PTPN3: variants seen among roughly 807,000 people sequenced by gnomAD.
PTPN3 encodes the protein tyrosine-protein phosphatase non-receptor type 3.
PTPN3 carries 96 observed loss-of-function variants against 132.7 expected under a neutral mutation model. The ratio of observed to expected loss-of-function variants is 0.72; its 90% CI spans 0.61 to 0.86. The LOEUF is 0.86. PTPN3 is among the 40% of genes least tolerant of loss of function. The pLI, the probability that PTPN3 is intolerant of heterozygous loss-of-function variation, is 0.00. For missense variants in PTPN3, 1,125 were observed against 1,159.6 expected (o/e 0.97, Z 0.43); for synonymous variants, 398 against 429.0 (o/e 0.93, Z 0.89).
At chr9:109,439,628 G>A (rs1238119762) in intron 7 of PTPN3, among the ~76,000 whole-genome samples, 3 of 152,258 alleles carry the variant, frequency 2.0e-5, no homozygotes, top group Non-Finnish European at 2.9e-5. Flanking sequence ...GGGCAATGCA[G>A]CCGGGCATGG....
At chr9:109,395,056 C>G (rs1326075632) in intron 19 of PTPN3, among the ~76,000 whole-genome samples, 1 of 151,298 alleles carries the variant, frequency 6.6e-6, no homozygotes, top group African/African-American at 2.4e-5. Flanking sequence ...AGGAGAATGG[C>G]GTGAACCAGG....
upstream of PTPN3, among the ~76,000 whole-genome samples, chr9:109,502,582 G>A (rs1377825475): frequency 6.6e-6 from 1 of 152,176 alleles, no homozygotes; most frequent in African/African-American, 2.4e-5. Flanking sequence ...GATTGCTTGA[G>A]GACAGGAGTT....
At chr9:109,518,766 T>C in the PTPN3 span, among the ~76,000 whole-genome samples, 2 of 152,170 alleles carry the variant, frequency 1.3e-5, no homozygotes, top group Non-Finnish European at 2.9e-5. Flanking sequence ...ACCATCTCCA[T>C]TGACTTTAAA....
intron 10 of PTPN3, 125 bp downstream of exon 10, chr9:109,432,948 A>C: frequency 7.0e-7 from 1 of 1,436,174 alleles, no homozygotes; most frequent in Non-Finnish European, 9.2e-7. Flanking sequence ...GGTCAGAGTA[A>C]AACTCGGGAG....
At chr9:109,482,696 G>T (rs1342907889) in intron 1 of PTPN3, among the ~76,000 whole-genome samples, 4 of 152,018 alleles carry the variant, frequency 2.6e-5, no homozygotes, top group African/African-American at 9.7e-5. Flanking sequence ...ACTATCCACT[G>T]TCTGCCCTGC....
chr9:109,383,522 G>T lies in PTPN3; in HGVS notation c.2283C>A (p.Pro761=). Residue 761 remains proline, a synonymous_variant, in exon 23 of 26, where the codon CCC becomes CCA. Transcript: ENST00000374541. ...RTKCHQYWPD[P]PDVMNHGGFH... is the part of the protein sequence containing the mutation. ...AGCCGCCGTGGTTCATGACGTCGGG[G>T]GGATCTGGCCAGTACTGGTGACATT... is the stretch of plus-strand genomic sequence containing the variant. The T allele has an allele frequency of 1.2e-6, 2 of 1,614,070 alleles. No individual in the cohort carries two copies. Among genetic ancestry groups the T allele is most frequent in the East Asian group, 2.2e-5 (1 of 44,870 alleles).
chr9:109,472,171 T>C (rs1305759706), intron 1 of PTPN3, among the ~76,000 whole-genome samples: 4 of 152,226 alleles, frequency 2.6e-5, no homozygotes, highest in Non-Finnish European at 5.9e-5. Flanking sequence ...AAAACTGCCA[T>C]CATTCAAAAA....
chr9:109,472,564 T>C (rs747486390), intron 1 of PTPN3, among the ~76,000 whole-genome samples: 3 of 152,244 alleles, frequency 2.0e-5, no homozygotes, highest in Non-Finnish European at 4.4e-5. Context: ...CACTTTCCTA[T>C]ACATTTCCCT....
chr9:109,407,599 C>T (rs1407030108), intron 17 of PTPN3, among the ~76,000 whole-genome samples: 5 of 152,166 alleles, frequency 3.3e-5, no homozygotes, highest in African/African-American at 1.2e-4. Flanking sequence ...GGCTGGAGTA[C>T]AGCGGCGTGA....
At chr9:109,534,218 C>T in the PTPN3 span, 1 of 1,358,792 alleles carries the variant, frequency 7.4e-7, no homozygotes, top group South Asian at 1.2e-5. Flanking sequence ...CCTCCCGGGC[C>T]ACCGTTTCCT....
the PTPN3 span, among the ~76,000 whole-genome samples, chr9:109,527,744 C>T: frequency 1.5e-3 from 230 of 152,290 alleles, 1 homozygote; most frequent in African/African-American, 5.3e-3. Context: ...ACATGTACAA[C>T]TATTGCATAT....
rs376241263 is a variant in PTPN3 at position 109,454,581 on chromosome 9, C to G, written c.290-7G>C. 12 of 1,608,814 alleles carry G rather than the reference C, an allele frequency of 7.5e-6. No homozygotes were observed. Among genetic ancestry groups the G allele is most frequent in the Non-Finnish European group, 1.0e-5 (12 of 1,176,092 alleles). ...AGGGTACAGGGGAAACCTCCTACAACATTTTTCAAAAACAAATTAAATTTT... is the reference window on the plus strand; with the variant it reads ...AGGGTACAGGGGAAACCTCCTACAAGATTTTTCAAAAACAAATTAAATTTT... On this transcript the variant is annotated splice_region_variant and splice_polypyrimidine_tract_variant and intron_variant, in intron 4 of 25. Coordinates refer to ENST00000374541, the MANE Select transcript of PTPN3 (RefSeq NM_002829.4).
chr9:109,394,249 G>A (rs1258397787), intron 19 of PTPN3, among the ~76,000 whole-genome samples: 1 of 152,174 alleles, frequency 6.6e-6, no homozygotes, highest in Non-Finnish European at 1.5e-5. Flanking sequence ...GTGGGAAAAA[G>A]AGATTTTTTT....
chr9:109,433,063 T>G lies in PTPN3; in HGVS notation c.764+10A>C, dbSNP rs1474449336. The G allele has an allele frequency of 6.2e-7, 1 of 1,613,920 alleles. No homozygotes were observed. The highest frequency in any genetic ancestry group is 1.7e-5 in the Admixed American group (1 of 59,966). On this transcript the variant is annotated intron_variant, in intron 10 of 25. Coordinates refer to ENST00000374541, the MANE Select transcript of PTPN3 (RefSeq NM_002829.4). ...TGATTCAGAAAATAATGAGAACTGT[T>G]TGCACTTACCAAGGATAGAAACTTG...
At chr9:109,532,856 C>T in the PTPN3 span, 3 of 1,043,312 alleles carry the variant, frequency 2.9e-6, no homozygotes, top group East Asian at 4.3e-5. Context: ...TGCTTAGCCT[C>T]GGGAGCGGAC....
the PTPN3 span, among the ~76,000 whole-genome samples, chr9:109,504,137 G>A: frequency 6.6e-6 from 1 of 152,144 alleles, no homozygotes; most frequent in Admixed American, 6.5e-5. Flanking sequence ...TTATTCTTGC[G>A]GGTATCTGGG....
At chr9:109,493,871 A>G (rs1247262996) in intron 1 of PTPN3, among the ~76,000 whole-genome samples, 1 of 152,164 alleles carries the variant, frequency 6.6e-6, no homozygotes, top group Non-Finnish European at 1.5e-5. Flanking sequence ...GCCCCCACCT[A>G]CTTGTACCTG....
chr9:109,494,893 G>C (rs1465111118), intron 1 of PTPN3, among the ~76,000 whole-genome samples: 2 of 151,988 alleles, frequency 1.3e-5, no homozygotes, highest in Non-Finnish European at 2.9e-5. Context: ...CCTGGTCTTG[G>C]AATAACAAGT....
upstream of PTPN3, among the ~76,000 whole-genome samples, chr9:109,500,668 T>C (rs1184523415): frequency 1.3e-5 from 2 of 149,084 alleles, no homozygotes; most frequent in South Asian, 2.1e-4. Flanking sequence ...AGGTGGCTCA[T>C]GCCTGTAATC....
Sources: allele counts gnomAD v4.1 joint callset (sites outside exome capture counted in the v4.1 genomes callset), GRCh38; gene constraint gnomAD v4.1.1; transcripts MANE v1.5; gene names NCBI Gene and HGNC (gene_info 2026-07-23, HGNC 2026-07-21).